PTPN14: variants seen among roughly 807,000 people sequenced by gnomAD.
PTPN14 encodes the protein protein tyrosine phosphatase non-receptor type 14, also known as tyrosine-protein phosphatase non-receptor type 14.
In PTPN14, 53 loss-of-function variants were observed where a neutral mutation model predicts 126.8. The observed-to-expected ratio is 0.42, with a 90% CI of 0.34 to 0.53. PTPN14 has a LOEUF of 0.53. Ranked by LOEUF, PTPN14 falls within the 20% of genes least tolerant of loss-of-function variation. PTPN14 has a pLI of 0.08. For synonymous variants in PTPN14, 630 were observed against 599.3 expected, an observed-to-expected ratio of 1.05 and a Z score of -0.75; for missense variants, 1,257 against 1,552.9, an observed-to-expected ratio of 0.81 and a Z score of 3.20.
At chr1:214,548,559 A>G (rs1571664607) in intron 1 of PTPN14, among the ~76,000 whole-genome samples, 1 of 152,180 alleles carries the variant, frequency 6.6e-6, no homozygotes, top group South Asian at 2.1e-4. Flanking sequence ...GAATTTTTTA[A>G]AAACACAGCA....
At chr1:214,369,790 T>C (rs1413125371) in intron 16 of PTPN14, 99 bp from the exon 17 acceptor site, 16 of 1,078,196 alleles carry the variant, frequency 1.5e-5, no homozygotes, top group Non-Finnish European at 2.0e-5. Flanking sequence ...AAATAGCTTC[T>C]AAATCGCTAG....
intron 3 of PTPN14, among the ~76,000 whole-genome samples, chr1:214,431,112 C>A (rs974494376): frequency 1.3e-5 from 2 of 152,108 alleles, no homozygotes; most frequent in African/African-American, 4.8e-5. Context: ...AGACATTGAA[C>A]GGCACAGACA....
chr1:214,492,399 G>C (rs1367951285), intron 1 of PTPN14, among the ~76,000 whole-genome samples: 1 of 152,140 alleles, frequency 6.6e-6, no homozygotes, highest in Admixed American at 6.5e-5. Flanking sequence ...TAAATAATGA[G>C]TTACAAACCT....
At position 214,369,652 on chromosome 1, in the gene PTPN14, G is replaced by A. The variant is rs962243708; in HGVS notation, c.3076C>T (p.Leu1026=). The A allele has an allele frequency of 6.2e-7, 1 of 1,614,038 alleles. No homozygotes were observed. Among genetic ancestry groups the A allele is most frequent in the African/African-American group, 1.3e-5 (1 of 74,906 alleles). Residue 1026 remains leucine, a synonymous_variant, in exon 17 of 19, where the codon CTA becomes TTA. Transcript: ENST00000366956. ...GTGGCTGAGCTGTGCTTTGAACCTA[G>A]TTTGGGCCAGTATCGGTGGCTTTTG... is the stretch of plus-strand genomic sequence containing the variant. ...RTKSHRYWPK[L]GSKHSSATYG...
intron 1 of PTPN14, among the ~76,000 whole-genome samples, chr1:214,526,533 A>G (rs1391157064): frequency 1.0e-5 from 1 of 95,790 alleles, no homozygotes; most frequent in East Asian, 3.7e-4. Flanking sequence ...TGGTTAAAAG[A>G]AAAAAAAAAT....
At chr1:214,488,962 C>T (rs1661173475) in intron 1 of PTPN14, among the ~76,000 whole-genome samples, 1 of 152,208 alleles carries the variant, frequency 6.6e-6, no homozygotes, top group Admixed American at 6.5e-5. Context: ...TATCCTTCCA[C>T]CCAGCATTCA....
At chr1:214,458,919 A>G (rs1451454013) in intron 2 of PTPN14, among the ~76,000 whole-genome samples, 1 of 152,154 alleles carries the variant, frequency 6.6e-6, no homozygotes, top group Non-Finnish European at 1.5e-5. Context: ...ACTGATGCAG[A>G]CATATTATAA....
chr1:214,431,772 T>C (rs967981652), intron 3 of PTPN14, among the ~76,000 whole-genome samples: 3 of 152,212 alleles, frequency 2.0e-5, no homozygotes, highest in African/African-American at 7.2e-5. Flanking sequence ...ATCAGAATAA[T>C]AGTACTAACT....
At chr1:214,368,414 T>G (rs1457236485) in intron 17 of PTPN14, among the ~76,000 whole-genome samples, 1 of 152,098 alleles carries the variant, frequency 6.6e-6, no homozygotes, top group East Asian at 1.9e-4. Flanking sequence ...TTGGCCACGC[T>G]GGTCTCAAAC....
chr1:214,473,282 C>G (rs1660800579), intron 1 of PTPN14, among the ~76,000 whole-genome samples: 1 of 152,146 alleles, frequency 6.6e-6, no homozygotes, highest in Non-Finnish European at 1.5e-5. Context: ...AAATATCAAC[C>G]AAATGCAGCG....
In PTPN14 at chr1:214,548,223, C is replaced by T. The variant is rs1027730653; in HGVS notation, c.-155+2960G>A. Among the ~76,000 whole-genome samples, 5 of 152,170 alleles carry T rather than the reference C, an allele frequency of 3.3e-5. No individual in the cohort carries two copies. The East Asian group carries it at 7.7e-4, about 23-fold the overall frequency. On this transcript the variant is annotated intron_variant, in intron 1 of 18. Coordinates refer to ENST00000366956, the MANE Select transcript of PTPN14 (RefSeq NM_005401.5). ...AAAATGGCAGCGCTAGAATTCCAAC[C>T]TAGCTATATTTCAAACTCCCAAACC... is the stretch of plus-strand genomic sequence containing the variant.
rs377393866 is a variant in PTPN14, at chr1:214,449,182, A to AT, written c.344+2622dup. 6.2e-4 allele frequency among the ~76,000 whole-genome samples: 93 copies of AT among 149,802 alleles called. 1 individual carries two copies. The highest frequency in any genetic ancestry group is 2.1e-3 in the African/African-American group (87 of 40,516). On this transcript the variant is annotated intron_variant, in intron 3 of 18. Transcript: ENST00000366956. ...CCACCACGCCCGGCTAATTTTTTGT[A>AT]TTTTTAGTAGAGACGGGGTTTCACG...
intron 1 of PTPN14, among the ~76,000 whole-genome samples, chr1:214,508,473 T>C (rs919386072): frequency 3.0e-4 from 45 of 152,306 alleles, no homozygotes; most frequent in African/African-American, 1.0e-3. Flanking sequence ...TTCAGTCCCA[T>C]ATTCAGGCTC....
At chr1:214,438,691 T>C (rs1659973885) in intron 3 of PTPN14, among the ~76,000 whole-genome samples, 1 of 152,196 alleles carries the variant, frequency 6.6e-6, no homozygotes, top group African/African-American at 2.4e-5. Flanking sequence ...TGTCTCAACC[T>C]GACTAGGCTG....
At chr1:214,510,398 T>C (rs1654945341) in intron 1 of PTPN14, among the ~76,000 whole-genome samples, 1 of 152,212 alleles carries the variant, frequency 6.6e-6, no homozygotes, top group South Asian at 2.1e-4. Flanking sequence ...CAATGCATGG[T>C]TGTCACAAAC....
At chr1:214,365,840 T>C (rs530617384) in intron 17 of PTPN14, among the ~76,000 whole-genome samples, 1 of 152,210 alleles carries the variant, frequency 6.6e-6, no homozygotes, top group South Asian at 2.1e-4. Flanking sequence ...CTACTAGTAG[T>C]AGTAATGTAC....
intron 1 of PTPN14, among the ~76,000 whole-genome samples, chr1:214,523,176 T>C (rs1655301786): frequency 6.6e-6 from 1 of 151,924 alleles, no homozygotes; most frequent in African/African-American, 2.4e-5. Flanking sequence ...GCAGTGCCCT[T>C]GAACCTGGCA....
chr1:214,364,806 T>TGTGTGTGTGTGTGTG lies in PTPN14; in HGVS notation c.3272-132_3272-131insCACACACACACACAC, dbSNP rs1553258555. ...GTGTGTGTGTGTGTGTGTGTGTGTG[T>TGTGTGTGTGTGTGTG]TTTAAGTGACAATAATTTATAGTTC... On this transcript the variant is annotated intron_variant, in intron 17 of 18. Coordinates refer to ENST00000366956, the MANE Select transcript of PTPN14 (RefSeq NM_005401.5). The surrounding 1 kb of genome is among the most constrained non-coding windows in gnomAD (Gnocchi z 4.1). 2.5e-4 allele frequency: 217 copies of TGTGTGTGTGTGTGTG among 859,096 alleles called. 1 individual carries two copies. Among genetic ancestry groups the TGTGTGTGTGTGTGTG allele is most frequent in the Middle Eastern group, 7.5e-4 (2 of 2,676 alleles). 53.2% of individuals were successfully genotyped at this position (859,096 alleles called of 1,614,324 possible).
intron 1 of PTPN14, among the ~76,000 whole-genome samples, chr1:214,478,367 G>C (rs904605935): frequency 2.0e-5 from 3 of 152,106 alleles, no homozygotes; most frequent in African/African-American, 7.2e-5. Flanking sequence ...AAGTTGCAGA[G>C]TAATATATAA....
Sources: allele counts gnomAD v4.1 joint callset (sites outside exome capture counted in the v4.1 genomes callset), GRCh38; gene constraint gnomAD v4.1.1; non-coding constraint Gnocchi (gnomAD v3.1); transcripts MANE v1.5; gene names NCBI Gene and HGNC (gene_info 2026-07-23, HGNC 2026-07-21).